The following TMCC1 variants were observed in gnomAD, a reference collection of about 807,000 sequenced individuals.
The protein encoded by TMCC1 is transmembrane and coiled-coil domain family 1, also known as transmembrane and coiled-coil domains protein 1.
TMCC1 carries 15 observed loss-of-function variants against 52.4 expected under a neutral mutation model. That is an observed-to-expected ratio of 0.29 (90% CI 0.19 to 0.44). TMCC1 has a LOEUF of 0.44. Among genes scored for constraint, TMCC1 ranks in the 20% least tolerant of loss-of-function variants. The probability of loss-of-function intolerance (pLI) is 1.00; values close to 1 mark genes in which losing one functional copy is unlikely to be tolerated. For synonymous variants in TMCC1, 279 were observed against 301.9 expected (o/e 0.92, Z 0.79); for missense variants, 503 against 806.0 (o/e 0.62, Z 4.55).
At chr3:129,783,815 T>A (rs2055742669) in intron 4 of TMCC1, among the ~76,000 whole-genome samples, 1 of 152,226 alleles carries the variant, frequency 6.6e-6, no homozygotes, top group Non-Finnish European at 1.5e-5. Flanking sequence ...TACCTTGAAA[T>A]CTTTTCGTCA....
chr3:129,690,779 G>C (rs1048768913), intron 4 of TMCC1, among the ~76,000 whole-genome samples: 24 of 152,178 alleles, frequency 1.6e-4, no homozygotes, highest in African/African-American at 5.8e-4. Flanking sequence ...TGGGCCTAAA[G>C]CAGACTTTGT....
intron 4 of TMCC1, among the ~76,000 whole-genome samples, chr3:129,748,630 T>C (rs2052208499): frequency 6.6e-6 from 1 of 152,120 alleles, no homozygotes; most frequent in Admixed American, 6.6e-5. Context: ...AATTAACTTT[T>C]AGGTACAACT....
intron 6 of TMCC1, among the ~76,000 whole-genome samples, chr3:129,654,661 C>G (rs531531727): frequency 6.6e-6 from 1 of 152,058 alleles, no homozygotes; most frequent in Non-Finnish European, 1.5e-5. Context: ...GACAAAATGG[C>G]CCAAATACTT....
At chr3:129,774,368 TA>T (rs1052364331) in intron 4 of TMCC1, among the ~76,000 whole-genome samples, 75 of 152,258 alleles carry the variant, frequency 4.9e-4, no homozygotes, top group African/African-American at 1.7e-3. Context: ...TTATCATACC[TA>T]AAAAAATGCT....
chr3:129,782,808 T>G (rs929326387), intron 4 of TMCC1, among the ~76,000 whole-genome samples: 1 of 152,202 alleles, frequency 6.6e-6, no homozygotes, highest in Non-Finnish European at 1.5e-5. Context: ...TTTTGTTTTA[T>G]TTGGAGATAG....
intron 4 of TMCC1, among the ~76,000 whole-genome samples, chr3:129,720,201 A>AAAAAAAAAAAAAG (rs1560263938): frequency 6.6e-6 from 1 of 151,314 alleles, no homozygotes; most frequent in African/African-American, 2.4e-5. Context: ...AAAAAAAAAA[A>AAAAAAAAAAAAAG]AGAGATGGAA....
intron 4 of TMCC1, among the ~76,000 whole-genome samples, chr3:129,754,435 A>T (rs182968485): frequency 1.3e-5 from 2 of 152,208 alleles, no homozygotes; most frequent in Admixed American, 1.3e-4. Context: ...AAGAAGAACA[A>T]AATTAGGGGA....
chr3:129,839,601 G>T, intron 2 of TMCC1, among the ~76,000 whole-genome samples: 1 of 151,992 alleles, frequency 6.6e-6, no homozygotes, highest in East Asian at 1.9e-4. Flanking sequence ...CAAAAAAATA[G>T]AAAAATTAGC....
At chr3:129,680,014 T>C (rs2088830897) in intron 4 of TMCC1, among the ~76,000 whole-genome samples, 1 of 152,212 alleles carries the variant, frequency 6.6e-6, no homozygotes, top group African/African-American at 2.4e-5. Flanking sequence ...GATTGACTTT[T>C]AAAAGCTTCC....
chr3:129,782,321 G>A (rs2055599705), intron 4 of TMCC1, among the ~76,000 whole-genome samples: 1 of 152,176 alleles, frequency 6.6e-6, no homozygotes, highest in African/African-American at 2.4e-5. Context: ...GAGGAACCAG[G>A]AAAGGAGACT....
intron 4 of TMCC1, among the ~76,000 whole-genome samples, chr3:129,761,990 C>CAAAAAAAAAAAAA (rs1179793010): frequency 1.3e-5 from 1 of 76,032 alleles, no homozygotes; most frequent in African/African-American, 5.4e-5. Flanking sequence ...GACTCTGTCT[C>CAAAAAAAAAAAAA]AAAAAAAAAA....
chr3:129,701,205 A>G (rs1338332652), intron 4 of TMCC1, among the ~76,000 whole-genome samples: 1 of 152,256 alleles, frequency 6.6e-6, no homozygotes, highest in African/African-American at 2.4e-5. Flanking sequence ...AGTCAAGGAA[A>G]AAAGATAAAT....
chr3:129,714,024 G>GA (rs960814391), intron 4 of TMCC1, among the ~76,000 whole-genome samples: 36 of 151,086 alleles, frequency 2.4e-4, no homozygotes, highest in African/African-American at 6.8e-4. Context: ...TGTTTCTAGG[G>GA]AAAAAAAAAC....
chr3:129,755,281 C>A (rs1262660055), intron 4 of TMCC1, among the ~76,000 whole-genome samples: 2 of 151,968 alleles, frequency 1.3e-5, no homozygotes, highest in Non-Finnish European at 2.9e-5. Context: ...CAATCATACC[C>A]CAAACCTCAG....
At position 129,736,346 on chromosome 3, in the gene TMCC1, G is replaced by A. The variant is rs770584945; in HGVS notation, c.577-65082C>T. ...CTACACTGTAGAGTCACTCAGGATA[G>A]TGAAAACTGTGGCAATAATTTTATC... On this transcript the variant is annotated intron_variant, in intron 4 of 6. Transcript: ENST00000393238. Among the ~76,000 whole-genome samples, 14 of 152,272 alleles carry A rather than the reference G, an allele frequency of 9.2e-5. No homozygotes were observed. In the East Asian group the frequency reaches 1.5e-3, roughly 17 times the overall value.
At chr3:129,766,382 T>C (rs368441692) in intron 4 of TMCC1, among the ~76,000 whole-genome samples, 1 of 152,194 alleles carries the variant, frequency 6.6e-6, no homozygotes, top group Non-Finnish European at 1.5e-5. Context: ...TTTGAGTTTA[T>C]TGCATTTGTA....
At chr3:129,841,454 G>T (rs2059420102) in intron 2 of TMCC1, among the ~76,000 whole-genome samples, 1 of 152,126 alleles carries the variant, frequency 6.6e-6, no homozygotes, top group Admixed American at 6.5e-5. Context: ...GGGCATGGTG[G>T]CATACACCTG....
intron 4 of TMCC1, among the ~76,000 whole-genome samples, chr3:129,765,764 C>T (rs1394903849): frequency 6.6e-6 from 1 of 152,100 alleles, no homozygotes; most frequent in East Asian, 1.9e-4. Flanking sequence ...TATATTCTTC[C>T]TGACTTTAGT....
intron 4 of TMCC1, among the ~76,000 whole-genome samples, chr3:129,691,421 C>T (rs1199965783): frequency 6.6e-6 from 1 of 151,714 alleles, no homozygotes; most frequent in Non-Finnish European, 1.5e-5. Flanking sequence ...TCTGTGTTTA[C>T]TTTTGACCCG....
Sources: allele counts gnomAD v4.1 joint callset (sites outside exome capture counted in the v4.1 genomes callset), GRCh38; gene constraint gnomAD v4.1.1; transcripts MANE v1.5; gene names NCBI Gene and HGNC (gene_info 2026-07-23, HGNC 2026-07-21).